The following PATJ variants were observed in gnomAD, a reference collection of about 807,000 sequenced individuals.
PATJ encodes the protein PATJ crumbs cell polarity complex component.
Under a neutral mutation model 224.9 loss-of-function variants are expected in PATJ, and 190 were observed. The observed-to-expected ratio is 0.84, with a 90% CI of 0.75 to 0.95. PATJ has a LOEUF of 0.95. Ranked by LOEUF, PATJ falls within the 40% of genes least tolerant of loss-of-function variation. The pLI is 0.00. For synonymous variants in PATJ, 769 were observed against 820.3 expected, an observed-to-expected ratio of 0.94 and a Z score of 1.07; for missense variants, 2,121 against 2,270.3, an observed-to-expected ratio of 0.93 and a Z score of 1.34.
intron 21 of PATJ, among the ~76,000 whole-genome samples, chr1:61,880,235 G>A (rs779929842): frequency 3.9e-5 from 6 of 152,178 alleles, no homozygotes; most frequent in Non-Finnish European, 7.3e-5. Context: ...CCACTAGAAT[G>A]CTAGCTCCCA....
intron 20 of PATJ, among the ~76,000 whole-genome samples, chr1:61,872,895 T>G (rs1252722125): frequency 2.0e-5 from 3 of 152,232 alleles, no homozygotes; most frequent in Non-Finnish European, 4.4e-5. Context: ...GCTGGGGCTC[T>G]GCTACCTTGC....
intron 43 of PATJ, among the ~76,000 whole-genome samples, chr1:62,160,412 T>G (rs1669733397): frequency 6.6e-6 from 1 of 152,222 alleles, no homozygotes; most frequent in African/African-American, 2.4e-5. Flanking sequence ...TATTGAGATA[T>G]AATTCACTTA....
At chr1:62,104,425 G>A (rs1174591246) in intron 33 of PATJ, among the ~76,000 whole-genome samples, 2 of 151,464 alleles carry the variant, frequency 1.3e-5, no homozygotes, top group African/African-American at 4.9e-5. Context: ...TTGAATTCAC[G>A]AGCCCACATT....
intron 28 of PATJ, among the ~76,000 whole-genome samples, chr1:61,994,611 A>G (rs1381103462): frequency 3.3e-5 from 5 of 151,636 alleles, no homozygotes; most frequent in African/African-American, 1.2e-4. Context: ...CTGGAGTGCA[A>G]TGGCGCCACC....
chr1:62,078,656 T>C (rs930965377), intron 31 of PATJ: 2 of 152,510 alleles, frequency 1.3e-5, no homozygotes, highest in Admixed American at 6.5e-5. Flanking sequence ...AGTTAATTTT[T>C]CCCAAACTCA....
chr1:61,775,495 C>T (rs1231990258), intron 7 of PATJ, among the ~76,000 whole-genome samples, 161 bp downstream of exon 7: 2 of 152,274 alleles, frequency 1.3e-5, no homozygotes, highest in Non-Finnish European at 2.9e-5. Flanking sequence ...TTAGGCTACA[C>T]TCAGTCTTAT....
chr1:61,828,338 T>C (rs1658665434), intron 16 of PATJ, among the ~76,000 whole-genome samples: 2 of 152,028 alleles, frequency 1.3e-5, no homozygotes, highest in South Asian at 4.1e-4. Flanking sequence ...AAATAACACT[T>C]TATATGCTCT....
At chr1:62,150,153 G>A (rs1000399449) in intron 42 of PATJ, among the ~76,000 whole-genome samples, 1 of 152,138 alleles carries the variant, frequency 6.6e-6, no homozygotes, top group Non-Finnish European at 1.5e-5. Context: ...GTGCTTGTAA[G>A]GCCACAAAGT....
At chr1:62,101,420 G>A (rs984562001) in intron 33 of PATJ, among the ~76,000 whole-genome samples, 2 of 151,904 alleles carry the variant, frequency 1.3e-5, no homozygotes, top group African/African-American at 2.4e-5. Context: ...GCACTATCAC[G>A]CCCAGCTAAT....
At position 61,982,121 on chromosome 1, in the gene PATJ, G is replaced by A. The variant is rs995435560; in HGVS notation, c.3671-8047G>A. Reference sequence around the variant, plus strand: ...GGCCTGCTTCTGGGAAGTGGGGGCAGGGGGCTTTCTAGTTTCTGTGGCCAC... The same window carrying A: ...GGCCTGCTTCTGGGAAGTGGGGGCAAGGGGCTTTCTAGTTTCTGTGGCCAC... On this transcript the variant is annotated intron_variant, in intron 27 of 43. Coordinates refer to ENST00000642238, the MANE Select transcript of PATJ (RefSeq NM_001350145.3). Among the ~76,000 whole-genome samples the A allele has an allele frequency of 1.3e-4, 20 of 152,012 alleles. 1 individual carries two copies. The highest frequency in any genetic ancestry group is 1.7e-4 in the African/African-American group (7 of 41,286).
At chr1:62,084,980 G>A (rs1659776877) in intron 33 of PATJ, among the ~76,000 whole-genome samples, 1 of 151,876 alleles carries the variant, frequency 6.6e-6, no homozygotes, top group East Asian at 1.9e-4. Context: ...TGTCTGGGTG[G>A]GCTGAGCACA....
chr1:61,796,906 G>A (rs924705732), intron 10 of PATJ, among the ~76,000 whole-genome samples: 8 of 144,710 alleles, frequency 5.5e-5, no homozygotes, highest in Non-Finnish European at 1.0e-4. Flanking sequence ...TTGCTCTGTC[G>A]CTCAGGCTGG....
chr1:62,024,503 T>A (rs1647395811), intron 29 of PATJ, among the ~76,000 whole-genome samples: 1 of 152,182 alleles, frequency 6.6e-6, no homozygotes, highest in Non-Finnish European at 1.5e-5. Flanking sequence ...TGCCTACATT[T>A]GTTTCACCTC....
chr1:61,845,924 A>G (rs2148860365), intron 17 of PATJ, among the ~76,000 whole-genome samples: 1 of 152,310 alleles, frequency 6.6e-6, no homozygotes, highest in East Asian at 1.9e-4. Context: ...GCATAGATTC[A>G]ACCCTGTGTT....
chr1:61,770,802 C>T (rs867511188), intron 5 of PATJ, among the ~76,000 whole-genome samples: 5 of 151,340 alleles, frequency 3.3e-5, no homozygotes, highest in Admixed American at 2.6e-4. Context: ...CTCAGCTACT[C>T]GTGAGACTGA....
intron 33 of PATJ, among the ~76,000 whole-genome samples, chr1:62,091,869 A>C (rs1570553441): frequency 6.6e-6 from 1 of 152,282 alleles, no homozygotes. Context: ...CAGCCTGGCC[A>C]ACATGGCAAA....
intron 21 of PATJ, among the ~76,000 whole-genome samples, chr1:61,875,801 G>A (rs1667259885): frequency 6.6e-6 from 1 of 152,050 alleles, no homozygotes; most frequent in Non-Finnish European, 1.5e-5. Flanking sequence ...ATATATTACA[G>A]TCAATTTTAG....
intron 31 of PATJ, 131 bp from the exon 32 acceptor site, chr1:62,079,319 C>G: frequency 1.6e-6 from 1 of 620,134 alleles, no homozygotes; most frequent in South Asian, 2.0e-5. Flanking sequence ...TCTTGCCACC[C>G]TCCAACCTTA....
intron 7 of PATJ, among the ~76,000 whole-genome samples, chr1:61,784,984 C>A (rs1648202727): frequency 6.6e-6 from 1 of 152,180 alleles, no homozygotes; most frequent in Admixed American, 6.6e-5. Flanking sequence ...GTGGCTTCTG[C>A]AGCATTTACA....
Sources: allele counts gnomAD v4.1 joint callset (sites outside exome capture counted in the v4.1 genomes callset), GRCh38; gene constraint gnomAD v4.1.1; transcripts MANE v1.5; gene names NCBI Gene and HGNC (gene_info 2026-07-23, HGNC 2026-07-21).